The following CEP83 variants were observed in gnomAD, a reference collection of about 807,000 sequenced individuals.
CEP83 encodes the protein centrosomal protein 83.
In CEP83, 70 loss-of-function variants were observed where a neutral mutation model predicts 101.9. The observed-to-expected ratio is 0.69, with a 90% confidence interval of 0.57 to 0.84. CEP83 has a LOEUF of 0.84. Ranked by LOEUF, CEP83 falls within the 40% of genes least tolerant of loss-of-function variation. The pLI, the probability that CEP83 is intolerant of heterozygous loss-of-function variation, is 0.00. For missense variants in CEP83, 715 were observed against 787.2 expected, an observed-to-expected ratio of 0.91 and a Z score of 1.10; for synonymous variants, 264 against 267.9, an observed-to-expected ratio of 0.99 and a Z score of 0.14.
intron 8 of CEP83, among the ~76,000 whole-genome samples, chr12:94,373,560 A>G (rs902884059): frequency 6.6e-6 from 1 of 152,234 alleles, no homozygotes; most frequent in African/African-American, 2.4e-5. Context: ...GTAAATAAGG[A>G]CAACTCTGTT....
chr12:94,335,756 T>G, intron 11 of CEP83, 92 bp from the exon 12 acceptor site: 1 of 794,752 alleles, frequency 1.3e-6, no homozygotes. Context: ...AATGCCTGTT[T>G]GACACCAGAG....
intron 11 of CEP83, among the ~76,000 whole-genome samples, chr12:94,359,188 C>A (rs1213908670): frequency 6.6e-6 from 1 of 152,160 alleles, no homozygotes; most frequent in African/African-American, 2.4e-5. Context: ...GGGCTCTCAG[C>A]TCTGAAGGTT....
At chr12:94,401,135 G>T (rs1488737566) in intron 5 of CEP83, 154 bp from the exon 6 acceptor site, 2 of 346,484 alleles carry the variant, frequency 5.8e-6, no homozygotes, top group African/African-American at 4.3e-5. Context: ...AATTTGGAAA[G>T]GTCTTCATAA....
Position 94,386,138 on chromosome 12 carries a change from T to C in CEP83, c.550-7096A>G, listed in dbSNP as rs555646082. Among the ~76,000 whole-genome samples the C allele has an allele frequency of 3.9e-5, 6 of 152,306 alleles. No individual in the cohort carries two copies. The South Asian group carries it at 1.2e-3, about 32-fold the overall frequency. ...TACACGTTACTGTACTTAGAAACAG[T>C]CTGATCTTTTCAAATCTTACTTTTA... On this transcript the variant is annotated intron_variant, in intron 6 of 16. Transcript: ENST00000397809.
chr12:94,278,722 GCA>G, the CEP83 span, among the ~76,000 whole-genome samples: 2 of 152,164 alleles, frequency 1.3e-5, no homozygotes, highest in Non-Finnish European at 2.9e-5. Flanking sequence ...TTTGGGCCGG[GCA>G]CAGTGGCTCA....
chr12:94,404,541 T>G (rs1054189990), intron 4 of CEP83, among the ~76,000 whole-genome samples: 3 of 152,128 alleles, frequency 2.0e-5, no homozygotes, highest in Non-Finnish European at 4.4e-5. Context: ...GGTAGAAATA[T>G]CTAAACACTG....
intron 2 of CEP83, chr12:94,434,086 T>C (rs1480581522): frequency 6.6e-6 from 1 of 152,230 alleles, no homozygotes; most frequent in Non-Finnish European, 1.5e-5. Flanking sequence ...ATAAGGATTT[T>C]GTTCCTTAAA....
intron 6 of CEP83, among the ~76,000 whole-genome samples, chr12:94,390,591 C>T (rs944450502): frequency 6.6e-6 from 1 of 152,144 alleles, no homozygotes; most frequent in African/African-American, 2.4e-5. Flanking sequence ...GGCAGCTCCT[C>T]GCCAGCAATG....
At chr12:94,332,183 T>G (rs1565925127) in intron 13 of CEP83, among the ~76,000 whole-genome samples, 1 of 152,196 alleles carries the variant, frequency 6.6e-6, no homozygotes, top group Non-Finnish European at 1.5e-5. Flanking sequence ...GATAACCAGA[T>G]GTGAAGTATA....
At chr12:94,367,726 G>T in intron 11 of CEP83, 68 bp downstream of exon 11, 1 of 1,139,658 alleles carries the variant, frequency 8.8e-7, no homozygotes, top group Non-Finnish European at 1.2e-6. Context: ...TGTACTAGTT[G>T]TACATCATTT....
chr12:94,458,966 C>T (rs2067924398), intron 1 of CEP83, among the ~76,000 whole-genome samples: 1 of 152,164 alleles, frequency 6.6e-6, no homozygotes, highest in African/African-American at 2.4e-5. Flanking sequence ...TTTAACAACC[C>T]ACTCTGTTTT....
chr12:94,301,297 A>G, the CEP83 span, among the ~76,000 whole-genome samples: 3 of 152,200 alleles, frequency 2.0e-5, no homozygotes, highest in Non-Finnish European at 4.4e-5. Context: ...CCTGTGAAAA[A>G]CTTTATCACA....
chr12:94,299,214 A>G, the CEP83 span, among the ~76,000 whole-genome samples: 1 of 152,218 alleles, frequency 6.6e-6, no homozygotes, highest in Non-Finnish European at 1.5e-5. Flanking sequence ...GAAATTTATC[A>G]AGTGCAGTAC....
At chr12:94,272,623 C>T in the CEP83 span, among the ~76,000 whole-genome samples, 80 of 152,308 alleles carry the variant, frequency 5.3e-4, 2 homozygotes, top group East Asian at 0.014. Context: ...CGAAGACTTC[C>T]CACTGGGCAT....
chr12:94,458,487 C>T (rs187193519), intron 1 of CEP83, among the ~76,000 whole-genome samples: 2 of 152,072 alleles, frequency 1.3e-5, no homozygotes, highest in Admixed American at 6.5e-5. Flanking sequence ...ACCTGTAATC[C>T]CAGCACTTTG....
chr12:94,367,106 A>G (rs956592122), intron 11 of CEP83, among the ~76,000 whole-genome samples: 2 of 152,126 alleles, frequency 1.3e-5, no homozygotes, highest in Non-Finnish European at 2.9e-5. Flanking sequence ...CATTTGGCAA[A>G]TGCTAGAGTT....
chr12:94,333,717 A>G lies in CEP83; in HGVS notation c.1420-78T>C. 3.6e-6 allele frequency: 5 copies of G among 1,403,272 alleles called. No homozygotes were observed. In the South Asian group the frequency reaches 6.4e-5, roughly 18 times the overall value. 86.9% of individuals were successfully genotyped at this position (1,403,272 alleles called of 1,614,324 possible). A position where few individuals can be genotyped will look rare whatever the true frequency, so the allele number is the denominator to read the frequency against. ...GGTATGAGAGAAGCAGAAGATACTA[A>G]GCATCTCCCTTTGCAAATGCTCCCT... On this transcript the variant is annotated intron_variant, in intron 12 of 16. Transcript: ENST00000397809.
chr12:94,367,764 A>C lies in CEP83; in HGVS notation c.1343+30T>G, dbSNP rs984750586. 16 of 1,504,952 alleles carry C rather than the reference A, an allele frequency of 1.1e-5. No individual in the cohort carries two copies. The East Asian group carries it at 3.7e-4, about 35-fold the overall frequency. 93.2% of individuals were successfully genotyped at this position (1,504,952 alleles called of 1,614,324 possible). A position where few individuals can be genotyped will look rare whatever the true frequency, so the allele number is the denominator to read the frequency against. On this transcript the variant is annotated intron_variant, in intron 11 of 16. Coordinates refer to ENST00000397809, the MANE Select transcript of CEP83 (RefSeq NM_016122.3). ...TTAACTCTGACCTTATTTCAACATG[A>C]AAAACTTTAAATATATATGTATATA... is the stretch of plus-strand genomic sequence containing the variant.
intron 14 of CEP83, among the ~76,000 whole-genome samples, chr12:94,329,968 C>T (rs991816932): frequency 6.6e-6 from 1 of 152,106 alleles, no homozygotes; most frequent in African/African-American, 2.4e-5. Context: ...GACTTTTAGA[C>T]TACTCATGTT....
Sources: gnomAD v4.1 joint callset for allele counts (sites outside exome capture counted in the v4.1 genomes callset) on GRCh38, gnomAD v4.1.1 for gene constraint, MANE v1.5 for transcripts, NCBI Gene and HGNC (gene_info 2026-07-23, HGNC 2026-07-21) for gene names.